Variants in GPC5 observed in about 807,000 individuals in gnomAD.
GPC5 encodes the protein glypican-5.
In GPC5, 47 loss-of-function variants were observed where a neutral mutation model predicts 53.9. The observed-to-expected ratio is 0.87, with a 90% CI of 0.69 to 1.11. The LOEUF (loss-of-function observed/expected upper bound fraction) is 1.11, where lower values mean the gene tolerates loss of function less well. GPC5 is among the 50% of genes most tolerant of loss of function. The probability of loss-of-function intolerance (pLI) is 0.00; values close to 1 mark genes in which losing one functional copy is unlikely to be tolerated. For synonymous variants in GPC5, 286 were observed against 263.3 expected, an observed-to-expected ratio of 1.09 and a Z score of -0.84; for missense variants, 748 against 713.1, an observed-to-expected ratio of 1.05 and a Z score of -0.56.
chr13:92,599,344 G>A (rs1883974079), intron 7 of GPC5, among the ~76,000 whole-genome samples: 3 of 152,160 alleles, frequency 2.0e-5, no homozygotes. Context: ...AAACTTGGCA[G>A]GGATTCGCTA....
intron 6 of GPC5, among the ~76,000 whole-genome samples, chr13:91,946,919 C>T (rs1566356979): frequency 1.3e-5 from 2 of 151,930 alleles, no homozygotes; most frequent in African/African-American, 2.4e-5. Context: ...GTGTATTCTG[C>T]ATAGTGGAAA....
chr13:92,743,375 G>A (rs1211838275), intron 7 of GPC5, among the ~76,000 whole-genome samples: 1 of 152,038 alleles, frequency 6.6e-6, no homozygotes, highest in Non-Finnish European at 1.5e-5. Flanking sequence ...CTCATGATTT[G>A]GCTCTCTGTT....
In GPC5 at chr13:91,777,832, A is replaced by G. The variant is rs1430311536; in HGVS notation, c.1280+21412A>G. 2.0e-5 allele frequency among the ~76,000 whole-genome samples: 3 copies of G among 152,170 alleles called. 1 individual carries two copies. The South Asian group carries it at 6.2e-4, about 32-fold the overall frequency. On this transcript the variant is annotated intron_variant, in intron 5 of 7. Transcript: ENST00000377067. ...TACTTCTTAAAATCCCATTTTCTTCAAAACAGTTTCAGAATATGGTCAGAT... is the reference window on the plus strand; with the variant it reads ...TACTTCTTAAAATCCCATTTTCTTCGAAACAGTTTCAGAATATGGTCAGAT...
chr13:92,069,900 G>C (rs2041196937), intron 6 of GPC5, among the ~76,000 whole-genome samples: 1 of 152,116 alleles, frequency 6.6e-6, no homozygotes, highest in East Asian at 1.9e-4. Context: ...AGCCCCCAAA[G>C]ATGGTCATGC....
At chr13:91,919,001 C>G (rs1217826382) in intron 6 of GPC5, among the ~76,000 whole-genome samples, 3 of 152,152 alleles carry the variant, frequency 2.0e-5, no homozygotes, top group Non-Finnish European at 4.4e-5. Context: ...GGTTAGCAAA[C>G]TGAAATGTCA....
intron 6 of GPC5, among the ~76,000 whole-genome samples, chr13:92,050,589 G>T (rs7993328): frequency 0.43 from 65,885 of 152,032 alleles, 14,648 homozygotes; most frequent in Admixed American, 0.51. Flanking sequence ...AGACAGCAGT[G>T]GGAAGACAGG....
rs1566400471 is a variant in GPC5, at chr13:92,751,302, T to TAAAAAAAAAAAAAAAAAA, written c.1562-114980_1562-114979insAAAAAAAAAAAAAAAAAA. Among the ~76,000 whole-genome samples the TAAAAAAAAAAAAAAAAAA allele has an allele frequency of 4.0e-3, 136 of 34,408 alleles. 25 individuals are homozygous for TAAAAAAAAAAAAAAAAAA. The highest frequency in any genetic ancestry group is 4.6e-3 in the Admixed American group (12 of 2,590). The allele number at this position is 34,408 out of a possible 152,430, so 22.6% of individuals were successfully genotyped here. On this transcript the variant is annotated intron_variant, in intron 7 of 7. Coordinates refer to ENST00000377067, the MANE Select transcript of GPC5 (RefSeq NM_004466.6). ...AAAACCTTTGGTCATCCAGAAACAT[T>TAAAAAAAAAAAAAAAAAA]TAAAAAAAAAAAAAAAAAAAAAAAA... is the stretch of plus-strand genomic sequence containing the variant.
chr13:91,879,891 A>G (rs1364648536), intron 5 of GPC5, among the ~76,000 whole-genome samples: 5 of 151,972 alleles, frequency 3.3e-5, no homozygotes, highest in African/African-American at 1.2e-4. Context: ...TTTTTCTTTT[A>G]GTTAAGAATA....
intron 2 of GPC5, among the ~76,000 whole-genome samples, chr13:91,577,671 A>G (rs1324712795): frequency 1.3e-5 from 2 of 152,158 alleles, no homozygotes; most frequent in African/African-American, 4.8e-5. Flanking sequence ...AAAGAAAAAA[A>G]TGGCACTCTA....
chr13:91,887,190 G>C (rs576216015), intron 5 of GPC5, among the ~76,000 whole-genome samples: 1 of 152,210 alleles, frequency 6.6e-6, no homozygotes, highest in South Asian at 2.1e-4. Flanking sequence ...ACATCATGTG[G>C]AAACTGCCAA....
Position 92,025,663 on chromosome 13 carries a change from C to A in GPC5, c.1401+117606C>A, listed in dbSNP as rs955664436. On this transcript the variant is annotated intron_variant, in intron 6 of 7. Transcript: ENST00000377067. ...CGTGTACAGAAAGAGGGATTTTGTA[C>A]CCTTTTTGTCCATGAGACACTTCCA... Among the ~76,000 whole-genome samples the A allele has an allele frequency of 3.3e-5, 5 of 152,112 alleles. 1 individual carries two copies. The highest frequency in any genetic ancestry group is 1.3e-4 in the Admixed American group (2 of 15,262).
At chr13:92,125,916 GTTTTTTGGTTTTTTTTTT>G (rs2041690781) in intron 6 of GPC5, among the ~76,000 whole-genome samples, 1 of 31,296 alleles carries the variant, frequency 3.2e-5, no homozygotes, top group Non-Finnish European at 7.6e-5. Context: ...GGAAACATTT[GTTTTTTGGTTTTTTTTTT>G]TTTTTTTTTT....
intron 6 of GPC5, among the ~76,000 whole-genome samples, chr13:92,050,773 T>C (rs2041021278): frequency 6.6e-6 from 1 of 152,192 alleles, no homozygotes; most frequent in Non-Finnish European, 1.5e-5. Context: ...CATTTTTCAA[T>C]CTGCTTTTTA....
intron 7 of GPC5, among the ~76,000 whole-genome samples, chr13:92,522,426 T>C (rs1055458749): frequency 2.6e-5 from 4 of 152,174 alleles, no homozygotes; most frequent in Non-Finnish European, 5.9e-5. Flanking sequence ...CACCATGGAA[T>C]ACTATGCAGC....
intron 6 of GPC5, among the ~76,000 whole-genome samples, chr13:91,930,403 G>A: frequency 1.3e-5 from 2 of 151,938 alleles, no homozygotes; most frequent in South Asian, 4.2e-4. Flanking sequence ...TGATATTTCA[G>A]CTATATTTTC....
At chr13:91,484,068 ATT>A (rs1263062536) in intron 2 of GPC5, among the ~76,000 whole-genome samples, 1 of 152,200 alleles carries the variant, frequency 6.6e-6, no homozygotes, top group Non-Finnish European at 1.5e-5. Flanking sequence ...TAGTTGAGTT[ATT>A]TTGTAGAACG....
At position 91,411,698 on chromosome 13, in the gene GPC5, G is replaced by A. The variant is rs116069907; in HGVS notation, c.163+12489G>A. 1.1e-3 allele frequency among the ~76,000 whole-genome samples: 165 copies of A among 152,186 alleles called. 1 individual carries two copies. The highest frequency in any genetic ancestry group is 3.9e-3 in the African/African-American group (161 of 41,516). ...GGGGCAGTATCAGTGACCTCACCTC[G>A]GTTATTAGCTAGGGAATATTGCATG... On this transcript the variant is annotated intron_variant, in intron 1 of 7. Transcript: ENST00000377067.
intron 7 of GPC5, among the ~76,000 whole-genome samples, chr13:92,383,973 T>G (rs1199751619): frequency 6.6e-6 from 1 of 152,150 alleles, no homozygotes; most frequent in Non-Finnish European, 1.5e-5. Flanking sequence ...TCCACTACAG[T>G]GCAATTCAGT....
At chr13:92,033,035 T>TTGTGTGTG (rs1566404109) in intron 6 of GPC5, among the ~76,000 whole-genome samples, 2 of 77,836 alleles carry the variant, frequency 2.6e-5, no homozygotes, top group African/African-American at 9.3e-5. Context: ...CTAGTTATTG[T>TTGTGTGTG]CGTGTGTGTG....
Sources: allele counts gnomAD v4.1 joint callset (sites outside exome capture counted in the v4.1 genomes callset), GRCh38; gene constraint gnomAD v4.1.1; transcripts MANE v1.5; gene names NCBI Gene and HGNC (gene_info 2026-07-23, HGNC 2026-07-21).